BCL2: variants seen among roughly 807,000 people sequenced by gnomAD.
BCL2 encodes apoptosis regulator Bcl-2.
In BCL2, 1 loss-of-function variant was observed where a neutral mutation model predicts 14.2. The observed-to-expected ratio is 0.07, with a 90% confidence interval of 0.02 to 0.33. The LOEUF is 0.33. Ranked by LOEUF, BCL2 falls within the 10% of genes least tolerant of loss-of-function variation. BCL2 has a pLI of 0.99. For synonymous variants in BCL2, 151 were observed against 137.2 expected, an observed-to-expected ratio of 1.10 and a Z score of -0.70; for missense variants, 247 against 305.9, an observed-to-expected ratio of 0.81 and a Z score of 1.44.
At chr18:63,130,811 G>A (rs1490790914) in intron 2 of BCL2, among the ~76,000 whole-genome samples, 1 of 152,130 alleles carries the variant, frequency 6.6e-6, no homozygotes, top group Non-Finnish European at 1.5e-5. Flanking sequence ...ACTCCTAGAA[G>A]TGACCTCAGT....
At chr18:63,210,623 A>G (rs1428097976) in intron 2 of BCL2, among the ~76,000 whole-genome samples, 1 of 152,226 alleles carries the variant, frequency 6.6e-6, no homozygotes, top group Admixed American at 6.5e-5. Context: ...CTAACGAATG[A>G]AAGACGCTGG....
chr18:63,259,682 G>A (rs1382677354), intron 2 of BCL2, among the ~76,000 whole-genome samples: 5 of 152,210 alleles, frequency 3.3e-5, no homozygotes, highest in African/African-American at 1.2e-4. Context: ...TCTAGACTCA[G>A]CCAGGTGTTT....
intron 2 of BCL2, among the ~76,000 whole-genome samples, chr18:63,156,850 C>T (rs887442217): frequency 1.3e-5 from 2 of 152,208 alleles, no homozygotes; most frequent in African/African-American, 2.4e-5. Context: ...CAGGTAGAAA[C>T]GCTTGCCCAG....
In BCL2 at chr18:63,203,888, T is replaced by A. The variant is rs145281905; in HGVS notation, c.586-75129A>T. On this transcript the variant is annotated intron_variant, in intron 2 of 2. Coordinates refer to ENST00000333681, the MANE Select transcript of BCL2 (RefSeq NM_000633.3). ...TTACTTTACTCAAAATTATTTGATT[T>A]CTATTCTAGCTTTCATGTTTTTTGT... Among the ~76,000 whole-genome samples, 9 of 152,386 alleles carry A rather than the reference T, an allele frequency of 5.9e-5. No individual in the cohort carries two copies. The East Asian group carries it at 1.5e-3, about 26-fold the overall frequency.
rs982460796 is a variant in BCL2 at position 63,319,728 on chromosome 18, C to G, written c.-841G>C. The G allele has an allele frequency of 9.7e-6, 2 of 206,520 alleles. No individual in the cohort carries two copies. Among genetic ancestry groups the G allele is most frequent in the African/African-American group, 2.3e-5 (1 of 43,834 alleles). 12.8% of individuals were successfully genotyped at this position (206,520 alleles called of 1,614,324 possible). A position where few individuals can be genotyped will look rare whatever the true frequency, so the allele number is the denominator to read the frequency against. ...CAGGACGCGCCTGGCCCGCCGGTGC[C>G]GAGCGCTAGAAGCCCGCGCTGTGTG... On this transcript the variant is annotated 5_prime_UTR_variant, in exon 1 of 3. Transcript: ENST00000333681.
At chr18:63,240,265 C>T (rs948540208) in intron 2 of BCL2, among the ~76,000 whole-genome samples, 1 of 152,020 alleles carries the variant, frequency 6.6e-6, no homozygotes, top group Non-Finnish European at 1.5e-5. Context: ...CTGGGATTAC[C>T]GCTGTGAGCC....
At chr18:63,138,502 C>T (rs952885192) in intron 2 of BCL2, among the ~76,000 whole-genome samples, 3 of 152,224 alleles carry the variant, frequency 2.0e-5, no homozygotes, top group African/African-American at 7.2e-5. Context: ...AAAAATAACC[C>T]TTGAGCATAT....
At chr18:63,258,613 T>G (rs573245839) in intron 2 of BCL2, among the ~76,000 whole-genome samples, 1 of 152,338 alleles carries the variant, frequency 6.6e-6, no homozygotes, top group African/African-American at 2.4e-5. Flanking sequence ...TGAGGATTGA[T>G]AGCCACCTCC....
intron 2 of BCL2, among the ~76,000 whole-genome samples, chr18:63,189,153 A>C (rs1485617510): frequency 2.5e-4 from 38 of 151,298 alleles, no homozygotes; most frequent in Admixed American, 2.3e-3. Context: ...GCTCTCCAAA[A>C]ACTTTACAAG....
intron 2 of BCL2, among the ~76,000 whole-genome samples, chr18:63,261,999 C>T (rs533205652): frequency 8.5e-5 from 13 of 152,068 alleles, no homozygotes; most frequent in African/African-American, 3.1e-4. Context: ...AGGCTGGTCT[C>T]GAACTCCTGA....
chr18:63,209,919 C>T (rs1446004086), intron 2 of BCL2, among the ~76,000 whole-genome samples: 1 of 152,102 alleles, frequency 6.6e-6, no homozygotes, highest in Non-Finnish European at 1.5e-5. Context: ...CCAACTGCTA[C>T]AGGAAAGTAA....
intron 2 of BCL2, among the ~76,000 whole-genome samples, chr18:63,254,802 A>G (rs1374723544): frequency 6.6e-6 from 1 of 152,234 alleles, no homozygotes; most frequent in African/African-American, 2.4e-5. Flanking sequence ...TGAAGATCAT[A>G]TCTTCAAGTA....
chr18:63,183,455 G>A (rs1424799416), intron 2 of BCL2, among the ~76,000 whole-genome samples: 1 of 152,190 alleles, frequency 6.6e-6, no homozygotes, highest in African/African-American at 2.4e-5. Flanking sequence ...CACAGGACTT[G>A]CTCTCCCCAT....
In BCL2 at chr18:63,201,059, C is replaced by T. The variant is rs373287663; in HGVS notation, c.586-72300G>A. ...AATGGGCAATGTGCAGGCAGCATTACGGAGCAGAAGTCAAGTGACAGGCTG... is the reference window on the plus strand; with the variant it reads ...AATGGGCAATGTGCAGGCAGCATTATGGAGCAGAAGTCAAGTGACAGGCTG... On this transcript the variant is annotated intron_variant, in intron 2 of 2. Coordinates refer to ENST00000333681, the MANE Select transcript of BCL2 (RefSeq NM_000633.3). Among the ~76,000 whole-genome samples the T allele has an allele frequency of 2.4e-3, 368 of 152,292 alleles. 1 individual carries two copies. Among genetic ancestry groups the T allele is most frequent in the African/African-American group, 7.9e-3 (329 of 41,546 alleles).
chr18:63,218,853 G>T (rs1190369970), intron 2 of BCL2, among the ~76,000 whole-genome samples: 2 of 109,308 alleles, frequency 1.8e-5, no homozygotes, highest in Non-Finnish European at 3.8e-5. Context: ...GTGTTTGGTT[G>T]TTCTCTCCAC....
chr18:63,232,522 C>T (rs1275963519), intron 2 of BCL2, among the ~76,000 whole-genome samples: 3 of 152,120 alleles, frequency 2.0e-5, no homozygotes, highest in African/African-American at 7.2e-5. Flanking sequence ...TGATGAAAAA[C>T]CGTAGGAAAA....
intron 2 of BCL2, among the ~76,000 whole-genome samples, chr18:63,163,083 T>A (rs928320369): frequency 6.6e-6 from 1 of 152,154 alleles, no homozygotes; most frequent in Non-Finnish European, 1.5e-5. Context: ...TCGGTTCAAG[T>A]CATTGGTCCA....
rs185759927 is a variant in BCL2 at position 63,217,328 on chromosome 18, T to C, written c.586-88569A>G. Among the ~76,000 whole-genome samples the C allele has an allele frequency of 3.1e-4, 47 of 152,322 alleles. No homozygotes were observed. In the Middle Eastern group the frequency reaches 0.017, roughly 55 times the overall value. On this transcript the variant is annotated intron_variant, in intron 2 of 2. Coordinates refer to ENST00000333681, the MANE Select transcript of BCL2 (RefSeq NM_000633.3). ...CAGTACTTCCAATAAAATAATTTAT[T>C]GAGAGTTATCCTGGAGTGGCTTGTC...
intron 2 of BCL2, among the ~76,000 whole-genome samples, chr18:63,309,183 C>T (rs1913231417): frequency 1.3e-5 from 2 of 152,178 alleles, no homozygotes; most frequent in African/African-American, 2.4e-5. Flanking sequence ...GTGCAAACAA[C>T]AGTCGCAAAC....
Sources: gnomAD v4.1 joint callset for allele counts (sites outside exome capture counted in the v4.1 genomes callset) on GRCh38, gnomAD v4.1.1 for gene constraint, MANE v1.5 for transcripts, NCBI Gene and HGNC (gene_info 2026-07-23, HGNC 2026-07-21) for gene names.